FAM13A: variants seen among roughly 807,000 people sequenced by gnomAD.
The protein encoded by FAM13A is family with sequence similarity 13 member A, also known as protein FAM13A.
A neutral mutation model predicts 129.6 loss-of-function variants in FAM13A; 76 were observed. The observed-to-expected ratio is 0.59, with a 90% CI of 0.49 to 0.71. The LOEUF is 0.71. Among genes scored for constraint, FAM13A ranks in the 30% least tolerant of loss-of-function variants. The pLI, the probability that FAM13A is intolerant of heterozygous loss-of-function variation, is 0.00. For missense variants in FAM13A, 1,108 were observed against 1,249.3 expected (o/e 0.89, Z 1.70); for synonymous variants, 443 against 449.9 (o/e 0.98, Z 0.20).
intron 6 of FAM13A, among the ~76,000 whole-genome samples, chr4:88,892,197 T>TC (rs1561266692): frequency 1.4e-5 from 1 of 72,728 alleles, no homozygotes; most frequent in Non-Finnish European, 2.9e-5. Context: ...TTTTTTTTTT[T>TC]GAGACGGAGT....
At chr4:88,811,024 T>C (rs1407674230) in intron 7 of FAM13A, among the ~76,000 whole-genome samples, 4 of 152,168 alleles carry the variant, frequency 2.6e-5, no homozygotes, top group Admixed American at 6.6e-5. Context: ...TTGCTTGCTA[T>C]ATAATGCACA....
intron 21 of FAM13A, among the ~76,000 whole-genome samples, chr4:88,733,966 A>G (rs1370766875): frequency 6.6e-6 from 1 of 152,240 alleles, no homozygotes; most frequent in Non-Finnish European, 1.5e-5. Flanking sequence ...TTTGAGATAA[A>G]TGTAACAAAA....
At chr4:88,845,876 C>T (rs1413341876) in intron 7 of FAM13A, among the ~76,000 whole-genome samples, 2 of 152,218 alleles carry the variant, frequency 1.3e-5, no homozygotes, top group Non-Finnish European at 2.9e-5. Flanking sequence ...CTGAAACACA[C>T]TGTCCCATGG....
At position 88,767,595 on chromosome 4, in the gene FAM13A, C is replaced by T; in HGVS notation, c.1536G>A (p.Arg512=). 1 of 1,594,644 alleles carries T rather than the reference C, an allele frequency of 6.3e-7. No individual in the cohort carries two copies. The change falls in exon 13 of 24, where the codon AGG becomes AGA. Residue 512 remains arginine (R), a splice_region_variant and synonymous_variant. Transcript: ENST00000264344. ...PDDFEWMSDE[R]KGNEKDGGHT... Reference sequence around the variant, plus strand: ...GTCCACCATCTTTTTCATTTCCTTTCCTATAAATAATGGCAACAACAAAAA... The same window carrying T: ...GTCCACCATCTTTTTCATTTCCTTTTCTATAAATAATGGCAACAACAAAAA...
rs558871775 is a variant in FAM13A at position 89,056,898 on chromosome 4, T to A, written c.27+40A>T. On this transcript the variant is annotated intron_variant, in intron 1 of 23. Coordinates refer to ENST00000264344, the MANE Select transcript of FAM13A (RefSeq NM_014883.4). ...GAAGGCAAGGCCCTCTCCTAAAAACTGGCAGTAAACACAGAAGACAGAAGA... is the reference window on the plus strand; with the variant it reads ...GAAGGCAAGGCCCTCTCCTAAAAACAGGCAGTAAACACAGAAGACAGAAGA... 4.7e-4 allele frequency: 754 copies of A among 1,592,890 alleles called. 7 individuals carry two copies. In the South Asian group the frequency reaches 8.1e-3, roughly 17 times the overall value.
chr4:89,033,230 GA>G (rs1161698337), intron 1 of FAM13A, among the ~76,000 whole-genome samples: 7 of 151,992 alleles, frequency 4.6e-5, no homozygotes, highest in Middle Eastern at 3.4e-3. Flanking sequence ...TAAAAGATAA[GA>G]AAAAATCAAA....
At chr4:88,826,599 C>T (rs1463763810) in intron 7 of FAM13A, among the ~76,000 whole-genome samples, 1 of 152,150 alleles carries the variant, frequency 6.6e-6, no homozygotes, top group Non-Finnish European at 1.5e-5. Context: ...TCCAGTGCCA[C>T]AAAACAGAAC....
rs528654829 is a variant in FAM13A at position 88,965,394 on chromosome 4, A to T, written c.605+25579T>A. Among the ~76,000 whole-genome samples, 10 of 152,324 alleles carry T rather than the reference A, an allele frequency of 6.6e-5. 1 individual carries two copies. Among genetic ancestry groups the T allele is most frequent in the Middle Eastern group, 6.8e-3 (2 of 294 alleles). ...AATTAAACAAAATGTTCTTCTTTACATTACAAAGGTCAGACATCGGGACAG... is the reference window on the plus strand; with the variant it reads ...AATTAAACAAAATGTTCTTCTTTACTTTACAAAGGTCAGACATCGGGACAG... On this transcript the variant is annotated intron_variant, in intron 4 of 23. Transcript: ENST00000264344.
Position 88,739,013 on chromosome 4 carries a change from G to C in FAM13A, c.2562+17C>G. The C allele has an allele frequency of 6.5e-7, 1 of 1,544,710 alleles. No individual in the cohort carries two copies. The stretch of plus-strand genomic sequence containing the variant: ...CGGAAAGGTGTTGTACCAGCCACGG[G>C]AAGGTATTCTACTCACAATGATGGG... On this transcript the variant is annotated intron_variant, in intron 20 of 23. Coordinates refer to ENST00000264344, the MANE Select transcript of FAM13A (RefSeq NM_014883.4).
intron 5 of FAM13A, among the ~76,000 whole-genome samples, chr4:88,927,106 T>C (rs539192433): frequency 2.6e-5 from 4 of 152,304 alleles, no homozygotes; most frequent in South Asian, 2.1e-4. Context: ...GTTTTTCCAT[T>C]TGCTTGTGTC....
intron 6 of FAM13A, among the ~76,000 whole-genome samples, chr4:88,902,172 A>G (rs1332034928): frequency 6.6e-6 from 1 of 152,198 alleles, no homozygotes; most frequent in East Asian, 1.9e-4. Flanking sequence ...GAATTCTACC[A>G]GAGGTACAAA....
intron 5 of FAM13A, among the ~76,000 whole-genome samples, chr4:88,908,126 C>T (rs1426496808): frequency 1.3e-5 from 2 of 152,234 alleles, no homozygotes; most frequent in East Asian, 1.9e-4. Flanking sequence ...CCAAAGGGTA[C>T]ATTTCAGAGA....
intron 7 of FAM13A, among the ~76,000 whole-genome samples, chr4:88,830,097 A>G (rs1362147965): frequency 6.6e-6 from 1 of 152,216 alleles, no homozygotes; most frequent in Non-Finnish European, 1.5e-5. Context: ...ACACTGGACC[A>G]TAACAAACTT....
chr4:88,875,008 T>G (rs1432484054), intron 6 of FAM13A, among the ~76,000 whole-genome samples: 1 of 152,200 alleles, frequency 6.6e-6, no homozygotes, highest in Non-Finnish European at 1.5e-5. Context: ...GCATATGATC[T>G]TTGACAAACC....
chr4:88,907,606 G>A (rs758537990), intron 5 of FAM13A, among the ~76,000 whole-genome samples: 3 of 152,010 alleles, frequency 2.0e-5, no homozygotes, highest in South Asian at 4.1e-4. Flanking sequence ...CCGTTTTTAC[G>A]CCCAATAGCC....
intron 7 of FAM13A, among the ~76,000 whole-genome samples, chr4:88,832,100 G>T (rs1232940010): frequency 6.6e-6 from 1 of 152,104 alleles, no homozygotes; most frequent in Non-Finnish European, 1.5e-5. Flanking sequence ...AAAACCGTCT[G>T]ATCTTCAATA....
chr4:88,901,907 T>C (rs1249464862), intron 6 of FAM13A, among the ~76,000 whole-genome samples: 2 of 152,040 alleles, frequency 1.3e-5, no homozygotes, highest in African/African-American at 4.8e-5. Context: ...ATAAGGGGGA[T>C]ATTACCACTG....
At chr4:88,802,091 G>A (rs541779446) in intron 8 of FAM13A, among the ~76,000 whole-genome samples, 4 of 152,260 alleles carry the variant, frequency 2.6e-5, no homozygotes, top group African/African-American at 4.8e-5. Flanking sequence ...TGAGGTAGGG[G>A]CCCTGTTGTT....
At chr4:88,920,278 C>A (rs1294857908) in intron 5 of FAM13A, among the ~76,000 whole-genome samples, 1 of 152,208 alleles carries the variant, frequency 6.6e-6, no homozygotes, top group African/African-American at 2.4e-5. Context: ...GACCCCCGAG[C>A]AGCCTAACTG....
Sources: allele counts gnomAD v4.1 joint callset (sites outside exome capture counted in the v4.1 genomes callset), GRCh38; gene constraint gnomAD v4.1.1; transcripts MANE v1.5; gene names NCBI Gene and HGNC (gene_info 2026-07-23, HGNC 2026-07-21).